Variants in EEPD1 observed in about 807,000 individuals in gnomAD.
EEPD1 encodes endonuclease/exonuclease/phosphatase family domain containing 1, also known as endonuclease/exonuclease/phosphatase family domain-containing protein 1.
In EEPD1, 17 loss-of-function variants were observed where a neutral mutation model predicts 46.3. That is an observed-to-expected ratio of 0.37 (90% CI 0.25 to 0.55). EEPD1 has a LOEUF of 0.55. Ranked by LOEUF, EEPD1 falls within the 20% of genes least tolerant of loss-of-function variation. The pLI is 0.83. For missense variants in EEPD1, 673 were observed against 745.6 expected, an observed-to-expected ratio of 0.90 and a Z score of 1.13; for synonymous variants, 313 against 315.6, an observed-to-expected ratio of 0.99 and a Z score of 0.09.
At chr7:36,197,377 G>T (rs1583802605) in intron 2 of EEPD1, among the ~76,000 whole-genome samples, 3 of 152,118 alleles carry the variant, frequency 2.0e-5, no homozygotes, top group Admixed American at 6.5e-5. Context: ...GAAGTGAGGA[G>T]CCCCTCTGCC....
intron 3 of EEPD1, among the ~76,000 whole-genome samples, chr7:36,272,509 T>TTG (rs1562708955): frequency 0.08 from 4,801 of 60,262 alleles, 258 homozygotes; most frequent in African/African-American, 0.18. Flanking sequence ...TGTTGTTGTT[T>TTG]TTTTTTTTTT....
intron 2 of EEPD1, among the ~76,000 whole-genome samples, chr7:36,236,275 C>G (rs1786437534): frequency 1.3e-5 from 2 of 152,214 alleles, no homozygotes; most frequent in Admixed American, 1.3e-4. Context: ...TCCCTCTGCT[C>G]GCAGGGAAGT....
chr7:36,176,232 A>T (rs1207610149), intron 2 of EEPD1, among the ~76,000 whole-genome samples: 1 of 152,192 alleles, frequency 6.6e-6, no homozygotes, highest in Non-Finnish European at 1.5e-5. Flanking sequence ...CCTGAAGAGG[A>T]TAAAGCCAGG....
chr7:36,160,750 A>T (rs538934374), intron 2 of EEPD1, among the ~76,000 whole-genome samples: 130 of 151,346 alleles, frequency 8.6e-4, no homozygotes, highest in African/African-American at 2.9e-3. Flanking sequence ...AGCTAAAGGC[A>T]ATGATCTCTG....
At chr7:36,214,229 G>T (rs1785988573) in intron 2 of EEPD1, among the ~76,000 whole-genome samples, 1 of 152,200 alleles carries the variant, frequency 6.6e-6, no homozygotes, top group Non-Finnish European at 1.5e-5. Context: ...TTCAGAGTGG[G>T]CAGGACAGCA....
intron 2 of EEPD1, among the ~76,000 whole-genome samples, chr7:36,192,796 G>C (rs1785483358): frequency 6.6e-6 from 1 of 152,242 alleles, no homozygotes; most frequent in Non-Finnish European, 1.5e-5. Context: ...AATGCGGTTA[G>C]AGACCTTCTG....
intron 2 of EEPD1, among the ~76,000 whole-genome samples, chr7:36,223,526 C>G (rs1453723659): frequency 6.6e-6 from 1 of 152,178 alleles, no homozygotes; most frequent in Admixed American, 6.5e-5. Flanking sequence ...TGTTTTGTTC[C>G]TTGCCCTATC....
At chr7:36,213,889 G>A (rs1785981477) in intron 2 of EEPD1, among the ~76,000 whole-genome samples, 1 of 152,172 alleles carries the variant, frequency 6.6e-6, no homozygotes, top group Non-Finnish European at 1.5e-5. Context: ...GTCTACAGCA[G>A]TGCTTGACAC....
At chr7:36,281,847 G>C (rs1787267073) in intron 4 of EEPD1, among the ~76,000 whole-genome samples, 1 of 152,092 alleles carries the variant, frequency 6.6e-6, no homozygotes, top group African/African-American at 2.4e-5. Context: ...ATAATAACCA[G>C]GAGTTGAAAA....
chr7:36,218,481 C>T (rs1786073833), intron 2 of EEPD1, among the ~76,000 whole-genome samples: 1 of 152,008 alleles, frequency 6.6e-6, no homozygotes, highest in South Asian at 2.1e-4. Context: ...TTATACTGTA[C>T]AGACTCACCC....
intron 2 of EEPD1, among the ~76,000 whole-genome samples, chr7:36,197,911 A>T (rs914543270): frequency 5.9e-5 from 9 of 151,278 alleles, no homozygotes; most frequent in East Asian, 5.9e-4. Context: ...ATAAAAAAAT[A>T]AAAAAAAATA....
intron 2 of EEPD1, among the ~76,000 whole-genome samples, chr7:36,167,556 C>T (rs1583782821): frequency 6.6e-6 from 1 of 152,038 alleles, no homozygotes; most frequent in South Asian, 2.1e-4. Flanking sequence ...TGACCTGGAG[C>T]CTTCTACACT....
Position 36,216,897 on chromosome 7 carries a change from T to C in EEPD1, c.879-22088T>C, listed in dbSNP as rs118138921. Among the ~76,000 whole-genome samples the C allele has an allele frequency of 8.2e-3, 1,247 of 152,364 alleles. 7 individuals are homozygous for C. Among genetic ancestry groups the C allele is most frequent in the Non-Finnish European group, 0.013 (899 of 68,034 alleles). On this transcript the variant is annotated intron_variant, in intron 2 of 7. Coordinates refer to ENST00000242108, the MANE Select transcript of EEPD1 (RefSeq NM_030636.3). Reference sequence around the variant, plus strand: ...TTTTAAAGGTCTAGAAGGATACATATCAAGACCTTAATGGTAATTCCTAGG... The same window carrying C: ...TTTTAAAGGTCTAGAAGGATACATACCAAGACCTTAATGGTAATTCCTAGG...
chr7:36,276,886 A>C (rs1025197717), intron 3 of EEPD1, among the ~76,000 whole-genome samples: 3 of 152,230 alleles, frequency 2.0e-5, no homozygotes, highest in Admixed American at 6.5e-5. Flanking sequence ...GTGGGGTGGC[A>C]GTAGTTGGGC....
At chr7:36,220,842 C>T (rs987317520) in intron 2 of EEPD1, among the ~76,000 whole-genome samples, 1 of 152,136 alleles carries the variant, frequency 6.6e-6, no homozygotes, top group African/African-American at 2.4e-5. Flanking sequence ...CTCTGGTGCC[C>T]AGGCTAGAAT....
At chr7:36,291,665 G>A (rs1787442292) in intron 6 of EEPD1, among the ~76,000 whole-genome samples, 1 of 152,230 alleles carries the variant, frequency 6.6e-6, no homozygotes, top group Non-Finnish European at 1.5e-5. Context: ...CTCTGGTGGT[G>A]GCCTGAGTGG....
chr7:36,291,336 C>T (rs73107658), intron 6 of EEPD1, among the ~76,000 whole-genome samples: 1,532 of 152,308 alleles, frequency 0.01, 6 homozygotes, highest in South Asian at 0.026. Context: ...GCAGCCACTT[C>T]CGTGTGGTCT....
At chr7:36,243,731 G>A (rs1016782202) in intron 3 of EEPD1, among the ~76,000 whole-genome samples, 3 of 152,060 alleles carry the variant, frequency 2.0e-5, no homozygotes, top group Non-Finnish European at 2.9e-5. Flanking sequence ...CCTAATGTGA[G>A]TTCATGTCCT....
intron 3 of EEPD1, among the ~76,000 whole-genome samples, chr7:36,253,330 A>G (rs1331070270): frequency 1.3e-5 from 2 of 152,238 alleles, no homozygotes; most frequent in Non-Finnish European, 2.9e-5. Flanking sequence ...CAATCCTTGT[A>G]AATGAATTGA....
Sources: allele counts gnomAD v4.1 joint callset (sites outside exome capture counted in the v4.1 genomes callset), GRCh38; gene constraint gnomAD v4.1.1; transcripts MANE v1.5; gene names NCBI Gene and HGNC (gene_info 2026-07-23, HGNC 2026-07-21).